The following KCNK12 variants were observed in gnomAD, a reference collection of about 807,000 sequenced individuals.
The protein encoded by KCNK12 is potassium channel subfamily K member 12.
KCNK12 carries 6 observed loss-of-function variants against 25.3 expected under a neutral mutation model. The ratio of observed to expected loss-of-function variants is 0.24; its 90% CI spans 0.13 to 0.47. KCNK12 has a LOEUF of 0.47. Among genes scored for constraint, KCNK12 ranks in the 20% least tolerant of loss-of-function variants. The pLI is 0.99. For synonymous variants in KCNK12, 331 were observed against 311.1 expected, an observed-to-expected ratio of 1.06 and a Z score of -0.67; for missense variants, 444 against 661.7, an observed-to-expected ratio of 0.67 and a Z score of 3.61.
rs776263113 is a variant in KCNK12 at position 47,570,185 on chromosome 2, G to A, written c.147C>T (p.Tyr49=). The A allele has an allele frequency of 6.7e-7, 1 of 1,494,312 alleles. No homozygotes were observed. Among genetic ancestry groups the A allele is most frequent in the Non-Finnish European group, 8.9e-7 (1 of 1,126,044 alleles). The allele number at this position is 1,494,312 out of a possible 1,614,324, so 92.6% of individuals were successfully genotyped here. ...FVLLAALIGL[Y]LVAGATVFSA... The stretch of plus-strand genomic sequence containing the variant: ...AGAAGACTGTGGCACCCGCCACCAG[G>A]TAGAGGCCGATGAGCGCCGCCAGCA... Residue 49 remains tyrosine, a synonymous_variant, in exon 1 of 2, where the codon TAC becomes TAT. Transcript: ENST00000327876.
chr2:47,513,871 G>A lies in KCNK12; in HGVS notation c.*7036C>T, dbSNP rs1193060321. Among the ~76,000 whole-genome samples the A allele has an allele frequency of 6.6e-6, 1 of 151,982 alleles. No homozygotes were observed. Among genetic ancestry groups the A allele is most frequent in the African/African-American group, 2.4e-5 (1 of 41,370 alleles). ...TCGGGTGTCCCTCAAATCTCTCCACGTCTCTGTGTTCTCACTAGCACTACC... is the reference window on the plus strand; with the variant it reads ...TCGGGTGTCCCTCAAATCTCTCCACATCTCTGTGTTCTCACTAGCACTACC... On this transcript the variant is annotated 3_prime_UTR_variant, in exon 2 of 2. Transcript: ENST00000327876.
rs1668344383 is a variant in KCNK12 at position 47,509,375 on chromosome 2, G to A, written c.*11532C>T. ...TGGAAGGTTGTTCAGGATGAGATGGGGGAGGTGAAATGGGGTAGGTCTTTG... is the reference window on the plus strand; with the variant it reads ...TGGAAGGTTGTTCAGGATGAGATGGAGGAGGTGAAATGGGGTAGGTCTTTG... On this transcript the variant is annotated 3_prime_UTR_variant, in exon 2 of 2. Coordinates refer to ENST00000327876, the MANE Select transcript of KCNK12 (RefSeq NM_022055.2). Among the ~76,000 whole-genome samples, 1 of 152,250 alleles carries A rather than the reference G, an allele frequency of 6.6e-6. No homozygotes were observed. Among genetic ancestry groups the A allele is most frequent in the Non-Finnish European group, 1.5e-5 (1 of 68,038 alleles).
At chr2:47,521,928 C>T in intron 1 of KCNK12, 120 bp from the exon 2 acceptor site, 4 of 792,178 alleles carry the variant, frequency 5.0e-6, no homozygotes, top group Non-Finnish European at 7.6e-6. Context: ...TCTCGAGTGG[C>T]ACCACTCAGG....
intron 1 of KCNK12, among the ~76,000 whole-genome samples, chr2:47,550,202 T>C (rs1376712372): frequency 5.9e-5 from 9 of 152,088 alleles, no homozygotes; most frequent in Non-Finnish European, 1.3e-4. Flanking sequence ...TGTCAATCTT[T>C]CCAAATTTGA....
intron 1 of KCNK12, among the ~76,000 whole-genome samples, 158 bp from the exon 2 acceptor site, chr2:47,521,966 A>G (rs543364924): frequency 1.1e-4 from 16 of 152,330 alleles, no homozygotes; most frequent in African/African-American, 3.4e-4. Context: ...TTAGTCATTT[A>G]TCTCCCTTGG....
Position 47,540,753 on chromosome 2 carries a change from C to G in KCNK12, c.392-18945G>C, listed in dbSNP as rs1238708714. 6.7e-6 allele frequency among the ~76,000 whole-genome samples: 1 copy of G among 149,594 alleles called. No individual in the cohort carries two copies. Among genetic ancestry groups the G allele is most frequent in the Non-Finnish European group, 1.5e-5 (1 of 67,866 alleles). On this transcript the variant is annotated intron_variant, in intron 1 of 1. Transcript: ENST00000327876. The surrounding 1 kb of genome is among the most constrained non-coding windows in gnomAD (Gnocchi z 5.4). Reference sequence around the variant, plus strand: ...CCAGCCTGGGCAACATGGTGAGACTCCATCCCTAGAAACAATTAAAAACAA... The same window carrying G: ...CCAGCCTGGGCAACATGGTGAGACTGCATCCCTAGAAACAATTAAAAACAA...
intron 1 of KCNK12, among the ~76,000 whole-genome samples, chr2:47,526,592 G>A (rs1668783889): frequency 6.6e-6 from 1 of 151,962 alleles, no homozygotes; most frequent in East Asian, 1.9e-4. Flanking sequence ...AATTAGCCGG[G>A]CATAGTGGAG....
intron 1 of KCNK12, among the ~76,000 whole-genome samples, chr2:47,567,709 C>T (rs773404137): frequency 2.6e-5 from 4 of 152,186 alleles, no homozygotes; most frequent in African/African-American, 4.8e-5. Context: ...AATGTTTCCC[C>T]GCAGATTTTG....
Position 47,528,026 on chromosome 2 carries a change from C to A in KCNK12, c.392-6218G>T, listed in dbSNP as rs1668825730. On this transcript the variant is annotated intron_variant, in intron 1 of 1. Coordinates refer to ENST00000327876, the MANE Select transcript of KCNK12 (RefSeq NM_022055.2). This position sits in a 1 kb window ranked among gnomAD's most constrained non-coding sequence, Gnocchi z 4.5. ...GCTGCCAGCAGGCTCACCTCTGGGA[C>A]AGGGCGCATATAGTCTGGGCCAGAA... Among the ~76,000 whole-genome samples the A allele has an allele frequency of 6.6e-6, 1 of 152,214 alleles. No homozygotes were observed. The highest frequency in any genetic ancestry group is 1.5e-5 in the Non-Finnish European group (1 of 68,032).
chr2:47,520,846 C>G lies in KCNK12; in HGVS notation c.*61G>C, dbSNP rs1573620941. The G allele has an allele frequency of 2.6e-6, 3 of 1,147,492 alleles. No individual in the cohort carries two copies. The highest frequency in any genetic ancestry group is 2.2e-6 in the Non-Finnish European group (2 of 908,864). The allele number at this position is 1,147,492 out of a possible 1,614,324, so 71.1% of individuals were successfully genotyped here. A position where few individuals can be genotyped will look rare whatever the true frequency, so the allele number is the denominator to read the frequency against. On this transcript the variant is annotated 3_prime_UTR_variant, in exon 2 of 2. Transcript: ENST00000327876. This position sits in a 1 kb window ranked among gnomAD's most constrained non-coding sequence, Gnocchi z 5.0. The stretch of plus-strand genomic sequence containing the variant: ...AAGCGCCAGCAGTGACTGAGAGAAG[C>G]AAACCACGCCCGGCGGCCCCGCGGC...
intron 1 of KCNK12, among the ~76,000 whole-genome samples, chr2:47,568,612 C>G (rs1277445889): frequency 2.0e-5 from 3 of 152,208 alleles, no homozygotes; most frequent in African/African-American, 4.8e-5. Context: ...GGCAGCCTCT[C>G]TCCCTGCCTC....
In KCNK12 at chr2:47,521,035, G is replaced by A; in HGVS notation, c.1165C>T (p.Leu389=). 7.1e-7 allele frequency: 1 copy of A among 1,399,268 alleles called. No homozygotes were observed. 86.7% of individuals were successfully genotyped at this position (1,399,268 alleles called of 1,614,324 possible). ...KVSLALLQKQ[L]SETANGYPRS... ...GGGTAGCCGTTGGCCGTCTCCGACA[G>A]CTGCTTCTGCAGCAGCGCCAGCGAC... Residue 389 remains leucine, a synonymous_variant, in exon 2 of 2, where the codon CTG becomes TTG. Transcript: ENST00000327876.
In KCNK12 at chr2:47,512,261, G is replaced by T. The variant is rs760403599; in HGVS notation, c.*8646C>A. ...AGTATCGTTCTTGATGGAAATCCCC[G>T]TGGAACTCCTACATTTTCTCCTCTC... On this transcript the variant is annotated 3_prime_UTR_variant, in exon 2 of 2. Coordinates refer to ENST00000327876, the MANE Select transcript of KCNK12 (RefSeq NM_022055.2). The T allele has an allele frequency of 6.2e-7, 1 of 1,607,986 alleles. No individual in the cohort carries two copies. The highest frequency in any genetic ancestry group is 1.1e-5 in the South Asian group (1 of 90,118).
intron 1 of KCNK12, among the ~76,000 whole-genome samples, chr2:47,550,129 A>T (rs1669395976): frequency 6.6e-6 from 1 of 152,132 alleles, no homozygotes; most frequent in Non-Finnish European, 1.5e-5. Flanking sequence ...TAAGACTAAC[A>T]TATGTGCAGT....
Position 47,569,840 on chromosome 2 carries a change from G to C in KCNK12, c.391+101C>G. On this transcript the variant is annotated intron_variant, in intron 1 of 1. Transcript: ENST00000327876. The surrounding 1 kb of genome is among the most constrained non-coding windows in gnomAD (Gnocchi z 4.1). ...AAGTAAGCAAAGGGACATTAGAAGG[G>C]AAGGCAGAGCCGAGGGACGCGGACC... is the stretch of plus-strand genomic sequence containing the variant. 1 of 969,600 alleles carries C rather than the reference G, an allele frequency of 1.0e-6. No individual in the cohort carries two copies. The highest frequency in any genetic ancestry group is 1.4e-6 in the Non-Finnish European group (1 of 730,764). 60.1% of individuals were successfully genotyped at this position (969,600 alleles called of 1,614,324 possible). A position where few individuals can be genotyped will look rare whatever the true frequency, so the allele number is the denominator to read the frequency against.
At position 47,533,643 on chromosome 2, in the gene KCNK12, C is replaced by T. The variant is rs1345635910; in HGVS notation, c.392-11835G>A. Among the ~76,000 whole-genome samples, 1 of 152,222 alleles carries T rather than the reference C, an allele frequency of 6.6e-6. No homozygotes were observed. Among genetic ancestry groups the T allele is most frequent in the Non-Finnish European group, 1.5e-5 (1 of 68,040 alleles). The stretch of plus-strand genomic sequence containing the variant: ...GGCTCACTTCCTGCTTTGGCCCCTA[C>T]GCTGGGTAGGAGGCCCGGCTAGAGG... On this transcript the variant is annotated intron_variant, in intron 1 of 1. Coordinates refer to ENST00000327876, the MANE Select transcript of KCNK12 (RefSeq NM_022055.2). This position sits in a 1 kb window ranked among gnomAD's most constrained non-coding sequence, Gnocchi z 4.7.
chr2:47,557,633 C>G lies in KCNK12; in HGVS notation c.391+12308G>C, dbSNP rs1669576614. On this transcript the variant is annotated intron_variant, in intron 1 of 1. Coordinates refer to ENST00000327876, the MANE Select transcript of KCNK12 (RefSeq NM_022055.2). The surrounding 1 kb of genome is among the most constrained non-coding windows in gnomAD (Gnocchi z 4.9). ...GGATACATGAATAATGCATACCTGC[C>G]CGGCTGAACAATGCACATCAAGGAG... 6.6e-6 allele frequency among the ~76,000 whole-genome samples: 1 copy of G among 152,016 alleles called. No homozygotes were observed. The highest frequency in any genetic ancestry group is 1.5e-5 in the Non-Finnish European group (1 of 68,012).
Position 47,521,141 on chromosome 2 carries a change from C to T in KCNK12, c.1059G>A (p.Ala353=), listed in dbSNP as rs1217813527. ...GGCCCTCGGCGTCGCTGTCGCGGGCCGCGGGGTCGGCACCGAGCGCGGCCA... is the reference window on the plus strand; with the variant it reads ...GGCCCTCGGCGTCGCTGTCGCGGGCTGCGGGGTCGGCACCGAGCGCGGCCA... ...RRLAALGADP[A]ARDSDAEGRR... The change falls in exon 2 of 2, where the codon GCG becomes GCA. Residue 353 remains alanine (A), a synonymous_variant. Transcript: ENST00000327876. 1.6e-6 allele frequency: 2 copies of T among 1,270,226 alleles called. No homozygotes were observed. Among genetic ancestry groups the T allele is most frequent in the Admixed American group, 4.2e-5 (1 of 24,038 alleles). 78.7% of individuals were successfully genotyped at this position (1,270,226 alleles called of 1,614,324 possible). A position where few individuals can be genotyped will look rare whatever the true frequency, so the allele number is the denominator to read the frequency against.
intron 1 of KCNK12, among the ~76,000 whole-genome samples, chr2:47,526,120 C>T (rs772996957): frequency 1.3e-5 from 2 of 151,870 alleles, no homozygotes; most frequent in Non-Finnish European, 2.9e-5. Context: ...AGAGGCCGGG[C>T]GTGATGGCTC....
Sources: allele counts gnomAD v4.1 joint callset (sites outside exome capture counted in the v4.1 genomes callset), GRCh38; gene constraint gnomAD v4.1.1; non-coding constraint Gnocchi (gnomAD v3.1); transcripts MANE v1.5; gene names NCBI Gene and HGNC (gene_info 2026-07-23, HGNC 2026-07-21).